Variants in PIK3C2G observed in about 807,000 individuals in gnomAD.
PIK3C2G encodes phosphatidylinositol-4-phosphate 3-kinase catalytic subunit type 2 gamma, also known as phosphatidylinositol 3-kinase C2 domain-containing subunit gamma.
PIK3C2G carries 168 observed loss-of-function variants against 181.1 expected under a neutral mutation model. The observed-to-expected ratio is 0.93, with a 90% CI of 0.82 to 1.05. PIK3C2G has a LOEUF of 1.05. PIK3C2G is among the 50% of genes least tolerant of loss of function. The pLI is 0.00. For synonymous variants in PIK3C2G, 573 were observed against 592.2 expected, an observed-to-expected ratio of 0.97 and a Z score of 0.47; for missense variants, 1,869 against 1,732.8, an observed-to-expected ratio of 1.08 and a Z score of -1.40.
At chr12:18,427,376 G>A (rs531154895) in intron 18 of PIK3C2G, among the ~76,000 whole-genome samples, 53 of 150,780 alleles carry the variant, frequency 3.5e-4, no homozygotes, top group African/African-American at 3.9e-4. Flanking sequence ...GCCTGGTGGC[G>A]GGCGCCTGTA....
At position 18,505,388 on chromosome 12, in the gene PIK3C2G, A is replaced by G; in HGVS notation, c.3250A>G (p.Lys1084Glu). Residue 1084 changes from lysine to glutamate, a missense_variant, in exon 24 of 33, where the codon AAG becomes GAG. Lys to Glu is a moderately conservative substitution (Grantham distance 56). Transcript: ENST00000538779. ...TCACAATGATAATATCATGCTGACAAAGTCGGGCCACATGTTTCATATTGA... is the reference window on the plus strand; with the variant it reads ...TCACAATGATAATATCATGCTGACAGAGTCGGGCCACATGTTTCATATTGA... ...DRHNDNIMLTKSGHMFHIDFG... is the reference protein window; with the variant it reads ...DRHNDNIMLTESGHMFHIDFG... 1 of 1,613,574 alleles carries G rather than the reference A, an allele frequency of 6.2e-7. No individual in the cohort carries two copies.
At chr12:18,471,256 T>C (rs539883651) in intron 18 of PIK3C2G, among the ~76,000 whole-genome samples, 1 of 152,226 alleles carries the variant, frequency 6.6e-6, no homozygotes, top group East Asian at 1.9e-4. Flanking sequence ...CTAGGGACCT[T>C]AGTCTTCTCA....
chr12:18,502,015 A>G (rs949872351), intron 22 of PIK3C2G, among the ~76,000 whole-genome samples: 7 of 152,238 alleles, frequency 4.6e-5, no homozygotes, highest in Non-Finnish European at 8.8e-5. Flanking sequence ...TCACCTACTG[A>G]CATAAAATGT....
chr12:18,527,379 A>C (rs1382425095), intron 24 of PIK3C2G, among the ~76,000 whole-genome samples: 1 of 152,192 alleles, frequency 6.6e-6, no homozygotes, highest in Non-Finnish European at 1.5e-5. Context: ...TCAATTTATT[A>C]AGAGATAATA....
chr12:18,711,967 T>G, the PIK3C2G span, among the ~76,000 whole-genome samples: 42 of 152,280 alleles, frequency 2.8e-4, no homozygotes, highest in Non-Finnish European at 4.4e-4. Context: ...GTACTCCATT[T>G]TAATATATAG....
At chr12:18,252,299 G>T (rs990733694) in intron 1 of PIK3C2G, among the ~76,000 whole-genome samples, 1 of 152,060 alleles carries the variant, frequency 6.6e-6, no homozygotes, top group Admixed American at 6.6e-5. Context: ...TCAAATTGAC[G>T]CAACAGTATA....
chr12:18,299,184 T>A (rs985977929), intron 5 of PIK3C2G, among the ~76,000 whole-genome samples: 1 of 151,984 alleles, frequency 6.6e-6, no homozygotes, highest in Non-Finnish European at 1.5e-5. Context: ...ATGGGATGTC[T>A]TTCCATTTAT....
At chr12:18,466,208 C>G (rs1439917730) in intron 18 of PIK3C2G, among the ~76,000 whole-genome samples, 5 of 151,378 alleles carry the variant, frequency 3.3e-5, no homozygotes, top group Admixed American at 2.0e-4. Context: ...TCTTATTCAT[C>G]TTTTTTATTC....
chr12:18,693,370 A>C, the PIK3C2G span: 2 of 1,603,674 alleles, frequency 1.2e-6, no homozygotes, highest in Non-Finnish European at 1.7e-6. Flanking sequence ...CGGGAAATTA[A>C]GGAATCTGTG....
the PIK3C2G span, among the ~76,000 whole-genome samples, chr12:18,658,313 A>C: frequency 6.6e-6 from 1 of 152,236 alleles, no homozygotes; most frequent in Non-Finnish European, 1.5e-5. Context: ...ACATCAATTC[A>C]CTTGATGAAT....
At chr12:18,603,764 C>T (rs912431221) in intron 30 of PIK3C2G, among the ~76,000 whole-genome samples, 1 of 152,082 alleles carries the variant, frequency 6.6e-6, no homozygotes, top group Admixed American at 6.6e-5. Context: ...TTGTATCCAG[C>T]GAAACTAAGC....
intron 16 of PIK3C2G, among the ~76,000 whole-genome samples, chr12:18,405,993 T>C (rs573007091): frequency 2.6e-5 from 4 of 152,198 alleles, no homozygotes; most frequent in Non-Finnish European, 5.9e-5. Context: ...TCCAAGCTAC[T>C]GAAATGTTGT....
At chr12:18,445,434 T>C (rs1020633859) in intron 18 of PIK3C2G, among the ~76,000 whole-genome samples, 14 of 151,778 alleles carry the variant, frequency 9.2e-5, no homozygotes, top group African/African-American at 3.1e-4. Flanking sequence ...AAAAAAAAAT[T>C]GGTGGCAGCC....
At chr12:18,552,972 A>G (rs1200865511) in intron 26 of PIK3C2G, among the ~76,000 whole-genome samples, 3 of 152,154 alleles carry the variant, frequency 2.0e-5, no homozygotes, top group African/African-American at 7.2e-5. Context: ...GAAAAGTTTA[A>G]TGTACCCACC....
intron 29 of PIK3C2G, among the ~76,000 whole-genome samples, chr12:18,576,117 A>G (rs1227322291): frequency 1.3e-5 from 2 of 152,258 alleles, no homozygotes; most frequent in African/African-American, 4.8e-5. Flanking sequence ...CACACATTTT[A>G]AAACTTGCAG....
At chr12:18,674,723 T>C in the PIK3C2G span, among the ~76,000 whole-genome samples, 1 of 152,166 alleles carries the variant, frequency 6.6e-6, no homozygotes, top group African/African-American at 2.4e-5. Flanking sequence ...TGGTCTTTTG[T>C]TTGCTCTAAC....
chr12:18,446,438 C>T (rs1178558590), intron 18 of PIK3C2G, among the ~76,000 whole-genome samples: 1 of 152,170 alleles, frequency 6.6e-6, no homozygotes, highest in African/African-American at 2.4e-5. Flanking sequence ...TTGGCTGTGT[C>T]TTCACTGTTC....
At chr12:18,560,430 A>G (rs1945287858) in intron 26 of PIK3C2G, among the ~76,000 whole-genome samples, 1 of 152,120 alleles carries the variant, frequency 6.6e-6, no homozygotes. Flanking sequence ...TGAAGGAACA[A>G]CATAGACCAC....
At chr12:18,246,261 G>C (rs1948038894), upstream of PIK3C2G, among the ~76,000 whole-genome samples, 1 of 152,094 alleles carries the variant, frequency 6.6e-6, no homozygotes, top group South Asian at 2.1e-4. Flanking sequence ...ATGAAGCATA[G>C]CTGGTTAAAT....
Sources: allele counts gnomAD v4.1 joint callset (sites outside exome capture counted in the v4.1 genomes callset), GRCh38; gene constraint gnomAD v4.1.1; transcripts MANE v1.5; gene names NCBI Gene and HGNC (gene_info 2026-07-23, HGNC 2026-07-21).